The following CMYA5 variants were observed in gnomAD, a reference collection of about 807,000 sequenced individuals.
The protein encoded by CMYA5 is cardiomyopathy associated 5, also known as cardiomyopathy-associated protein 5.
CMYA5 carries 246 observed loss-of-function variants against 318.9 expected under a neutral mutation model. The observed-to-expected ratio is 0.77, with a 90% confidence interval of 0.70 to 0.86. The LOEUF is 0.86. CMYA5 is among the 40% of genes least tolerant of loss of function. The pLI is 0.00. For synonymous variants in CMYA5, 1,641 were observed against 1,729.5 expected (o/e 0.95, Z 1.27); for missense variants, 4,589 against 4,678.2 (o/e 0.98, Z 0.56).
intron 1 of CMYA5, among the ~76,000 whole-genome samples, chr5:79,693,025 G>C (rs1468477451): frequency 6.6e-6 from 1 of 152,188 alleles, no homozygotes; most frequent in African/African-American, 2.4e-5. Flanking sequence ...TGTTAGAAGA[G>C]ATTTAAGGAA....
At chr5:79,705,140 C>T (rs1030144597) in intron 1 of CMYA5, among the ~76,000 whole-genome samples, 23 of 152,036 alleles carry the variant, frequency 1.5e-4, no homozygotes, top group African/African-American at 4.8e-4. Flanking sequence ...GGCGTGGTGG[C>T]GCACGCCTGT....
intron 1 of CMYA5, among the ~76,000 whole-genome samples, chr5:79,708,851 T>C (rs1421950155): frequency 6.6e-6 from 1 of 151,898 alleles, no homozygotes; most frequent in Non-Finnish European, 1.5e-5. Flanking sequence ...CAAGAATCGG[T>C]TGAACCTGGG....
chr5:79,715,847 T>C (rs1008263395), intron 1 of CMYA5, among the ~76,000 whole-genome samples: 20 of 152,238 alleles, frequency 1.3e-4, no homozygotes, highest in African/African-American at 4.3e-4. Flanking sequence ...ATATGACTTA[T>C]CACTCACTGG....
rs1406359136 is a variant in CMYA5, at chr5:79,760,166, C to T, written c.11260+1264C>T. ...CATGGCTCTCTGAGACCCTTCTTAT[C>T]AAATAGTTGTTGCTTGGCCTGCTTT... On this transcript the variant is annotated intron_variant, in intron 7 of 12. Coordinates refer to ENST00000446378, the MANE Select transcript of CMYA5 (RefSeq NM_153610.5). Among the ~76,000 whole-genome samples the T allele has an allele frequency of 2.3e-5, 3 of 132,258 alleles. No individual in the cohort carries two copies. In the East Asian group the frequency reaches 7.9e-4, roughly 35 times the overall value. The allele number at this position is 132,258 out of a possible 152,430, so 86.8% of individuals were successfully genotyped here. A position where few individuals can be genotyped will look rare whatever the true frequency, so the allele number is the denominator to read the frequency against.
At chr5:79,769,515 A>G (rs951780854) in intron 9 of CMYA5, among the ~76,000 whole-genome samples, 5 of 151,974 alleles carry the variant, frequency 3.3e-5, no homozygotes, top group Admixed American at 3.3e-4. Context: ...TGTTGATGCT[A>G]TACTTTTCTA....
intron 9 of CMYA5, among the ~76,000 whole-genome samples, chr5:79,770,222 A>T (rs1175807092): frequency 1.3e-5 from 2 of 152,144 alleles, no homozygotes; most frequent in Non-Finnish European, 2.9e-5. Context: ...AAGCCAGTGG[A>T]TCTTAGCTTG....
At chr5:79,749,100 T>TG (rs1828385316) in intron 5 of CMYA5, among the ~76,000 whole-genome samples, 1 of 152,238 alleles carries the variant, frequency 6.6e-6, no homozygotes, top group Non-Finnish European at 1.5e-5. Context: ...TATGTTCATC[T>TG]GTGTGTCATT....
chr5:79,786,876 G>A (rs993696520), intron 9 of CMYA5, among the ~76,000 whole-genome samples: 11 of 152,144 alleles, frequency 7.2e-5, no homozygotes, highest in Admixed American at 6.5e-5. Flanking sequence ...TTTTGTTTGC[G>A]TGCCTGCTGC....
In CMYA5 at chr5:79,734,075, C is replaced by A. The variant is rs762494574; in HGVS notation, c.5310C>A (p.Gly1770=). The A allele has an allele frequency of 6.2e-7, 1 of 1,613,786 alleles. No homozygotes were observed. Among genetic ancestry groups the A allele is most frequent in the Non-Finnish European group, 8.5e-7 (1 of 1,179,814 alleles). ...DFKKGGNQEI[G]PLPPTGNLKA... The stretch of plus-strand genomic sequence containing the variant: ...AAAAGGGAGGAAATCAAGAAATAGG[C>A]CCATTACCACCAACTGGAAATTTGA... The change falls in exon 2 of 13, where the codon GGC becomes GGA. Residue 1770 remains glycine, a synonymous_variant. Transcript: ENST00000446378.
chr5:79,735,789 G>C lies in CMYA5; in HGVS notation c.7024G>C (p.Asp2342His). Residue 2342 changes from aspartate (D) to histidine (H), a missense_variant, in exon 2 of 13, where the codon GAT (aspartate) becomes CAT (histidine). Physicochemically the swap from Asp to His is moderately conservative, Grantham distance 81. This residue lies in a region of CMYA5 where 2,431 missense variants were observed against 2,495.1 expected (regional missense o/e 0.97). Transcript: ENST00000446378. ...AACTATTGTTCCTCCTCATGTTACT[G>C]ATAGTAAAAGAGTCCAGAAGCCAGC... ...AKTIVPPHVT[D>H]SKRVQKPAIA... 6.4e-7 allele frequency: 1 copy of C among 1,554,642 alleles called. No homozygotes were observed. The highest frequency in any genetic ancestry group is 8.6e-7 in the Non-Finnish European group (1 of 1,158,974).
chr5:79,704,259 T>G (rs1312240129), intron 1 of CMYA5, among the ~76,000 whole-genome samples: 1 of 151,338 alleles, frequency 6.6e-6, no homozygotes, highest in Non-Finnish European at 1.5e-5. Context: ...AAGGCAGGAA[T>G]CCCAGAGTGT....
rs1827871956 is a variant in CMYA5 at position 79,730,675 on chromosome 5, A to T, written c.1910A>T (p.Glu637Val). Reference sequence around the variant, plus strand: ...GTTTTGTCAGAAGAAGAGAATGAGGAATTTGAGGCTTATTCCCCAGCTGCA... The same window carrying T: ...GTTTTGTCAGAAGAAGAGAATGAGGTATTTGAGGCTTATTCCCCAGCTGCA... ...HAVLSEEENE[E>V]FEAYSPAAAP... is the part of the protein sequence containing the mutation. Residue 637 changes from glutamate to valine, a missense_variant, in exon 2 of 13, where the codon GAA becomes GTA. Transcript: ENST00000446378. The T allele has an allele frequency of 6.2e-7, 1 of 1,613,966 alleles. No homozygotes were observed. Among genetic ancestry groups the T allele is most frequent in the Non-Finnish European group, 8.5e-7 (1 of 1,179,882 alleles).
At position 79,737,947 on chromosome 5, in the gene CMYA5, A is replaced by G. The variant is rs1828118545; in HGVS notation, c.9182A>G (p.Tyr3061Cys). The change falls in exon 2 of 13, where the codon TAT (tyrosine) becomes TGT (cysteine). Residue 3061 changes from tyrosine (Y) to cysteine (C), a missense_variant. Coordinates refer to ENST00000446378, the MANE Select transcript of CMYA5 (RefSeq NM_153610.5). Reference sequence around the variant, plus strand: ...TTTGAAAAATATACTTTGATTGATTATAACATCTCCCCAGACCCAGAAAAA... The same window carrying G: ...TTTGAAAAATATACTTTGATTGATTGTAACATCTCCCCAGACCCAGAAAAA... ...DYFEKYTLID[Y>C]NISPDPEKQK... 12 of 1,610,832 alleles carry G rather than the reference A, an allele frequency of 7.4e-6. No individual in the cohort carries two copies. Among genetic ancestry groups the G allele is most frequent in the Non-Finnish European group, 9.3e-6 (11 of 1,179,188 alleles).
Position 79,743,896 on chromosome 5 carries a change from A to G in CMYA5, c.10708A>G (p.Ile3570Val). 6.5e-7 allele frequency: 1 copy of G among 1,542,424 alleles called. No individual in the cohort carries two copies. Among genetic ancestry groups the G allele is most frequent in the African/African-American group, 1.4e-5 (1 of 72,966 alleles). The change falls in exon 3 of 13, where the codon ATA becomes GTA. Residue 3570 changes from isoleucine (I) to valine (V), a missense_variant. Ile to Val is a conservative substitution (Grantham distance 29, BLOSUM62 3). Around this residue, in one of 3 missense-constraint regions of CMYA5, gnomAD observed 2,431 missense variants for 2,495.1 expected, o/e 0.97. Coordinates refer to ENST00000446378, the MANE Select transcript of CMYA5 (RefSeq NM_153610.5). ...SLRIEAFVSE[I>V]ESFFNTIEEN... ...GAGGATTGAAGCCTTTGTTAGTGAG[A>G]TAGAATCCTTTTTTAATACCATTGA...
Position 79,733,119 on chromosome 5 carries a change from T to C in CMYA5, c.4354T>C (p.Ser1452Pro), listed in dbSNP as rs1188311842. 6.2e-7 allele frequency: 1 copy of C among 1,613,782 alleles called. No homozygotes were observed. The highest frequency in any genetic ancestry group is 1.7e-5 in the Admixed American group (1 of 59,966). The part of the protein sequence containing the change: ...EIKFDSLPSV[S>P]SIAEHSVLSE... ...TAAATTTGATTCACTTCCAAGTGTC[T>C]CCTCTATAGCAGAGCATTCTGTTTT... is the stretch of plus-strand genomic sequence containing the variant. The change falls in exon 2 of 13, where the codon TCC (serine) becomes CCC (proline). Residue 1452 changes from serine to proline, a missense_variant. By Grantham distance (74) the Ser-to-Pro change is moderately conservative. Transcript: ENST00000446378.
chr5:79,690,744 T>C (rs1826956424), intron 1 of CMYA5, among the ~76,000 whole-genome samples: 1 of 152,328 alleles, frequency 6.6e-6, no homozygotes, highest in African/African-American at 2.4e-5. Flanking sequence ...GATTAGCTTC[T>C]ACCTTCACTT....
At position 79,737,642 on chromosome 5, in the gene CMYA5, G is replaced by A. The variant is rs147751729; in HGVS notation, c.8877G>A (p.Pro2959=). ...GTGAGATATTGAATATTCATGCTCC[G>A]GCCTTTATTTCTTCAATCGATCAGG... ...EGCEILNIHA[P]AFISSIDQEE... is the part of the protein sequence containing the mutation. Residue 2959 remains proline, a synonymous_variant, in exon 2 of 13, where the codon CCG becomes CCA. Coordinates refer to ENST00000446378, the MANE Select transcript of CMYA5 (RefSeq NM_153610.5). The A allele has an allele frequency of 7.9e-4, 1,278 of 1,613,440 alleles. 3 individuals are homozygous for A. The highest frequency in any genetic ancestry group is 1.4e-3 in the South Asian group (123 of 91,024).
intron 5 of CMYA5, among the ~76,000 whole-genome samples, chr5:79,751,473 C>T (rs1828429472): frequency 1.3e-5 from 2 of 152,162 alleles, no homozygotes; most frequent in South Asian, 4.1e-4. Context: ...ACCACCTCCC[C>T]TAAATCAAAT....
At position 79,745,272 on chromosome 5, in the gene CMYA5, G is replaced by T. The variant is rs373074343; in HGVS notation, c.10785G>T (p.Met3595Ile). The T allele has an allele frequency of 5.6e-6, 9 of 1,610,368 alleles. No homozygotes were observed. The African/African-American group carries it at 1.2e-4, about 22-fold the overall frequency. The change falls in exon 4 of 13, where the codon ATG becomes ATT. Residue 3595 changes from methionine (M) to isoleucine (I), a missense_variant. Met to Ile is a conservative substitution (Grantham distance 10). Transcript: ENST00000446378. ...GGCTAGAAGAACAGAATGAGGAAATGATGAAGAAGGTTTTAGCACAGTATG... is the reference window on the plus strand; with the variant it reads ...GGCTAGAAGAACAGAATGAGGAAATTATGAAGAAGGTTTTAGCACAGTATG... Reference protein sequence around the residue: ...EKRLEEQNEEMMKKVLAQYDE... With the variant: ...EKRLEEQNEEIMKKVLAQYDE...
Sources: allele counts gnomAD v4.1 joint callset (sites outside exome capture counted in the v4.1 genomes callset), GRCh38; gene constraint gnomAD v4.1.1; regional missense constraint gnomAD v4.1.1; transcripts MANE v1.5; gene names NCBI Gene and HGNC (gene_info 2026-07-23, HGNC 2026-07-21).